CCDC30: variants seen among roughly 807,000 people sequenced by gnomAD.
The protein encoded by CCDC30 is coiled-coil domain-containing protein 30.
In CCDC30, 70 loss-of-function variants were observed where a neutral mutation model predicts 100.2. The ratio of observed to expected loss-of-function variants is 0.70; its 90% CI spans 0.58 to 0.85. The LOEUF is 0.85. Ranked by LOEUF, CCDC30 falls within the 40% of genes least tolerant of loss-of-function variation. The probability of loss-of-function intolerance (pLI) is 0.00; values close to 1 mark genes in which losing one functional copy is unlikely to be tolerated. For synonymous variants in CCDC30, 233 were observed against 269.5 expected, an observed-to-expected ratio of 0.86 and a Z score of 1.33; for missense variants, 652 against 771.2, an observed-to-expected ratio of 0.85 and a Z score of 1.83.
intron 1 of CCDC30, 43 bp downstream of exon 1, chr1:42,463,941 C>G (rs1375439669): frequency 6.6e-6 from 1 of 152,196 alleles, no homozygotes; most frequent in African/African-American, 2.4e-5. Flanking sequence ...TTTTCCACTT[C>G]TCTCATCACT....
At chr1:42,560,607 G>A (rs1645467450) in intron 6 of CCDC30, among the ~76,000 whole-genome samples, 2 of 152,072 alleles carry the variant, frequency 1.3e-5, no homozygotes, top group South Asian at 4.1e-4. Flanking sequence ...CTGACCTCAT[G>A]ATCCTCCCAC....
exon 16 of CCDC30, chr1:42,653,432 A>G (rs1648523625): frequency 6.3e-7 from 1 of 1,598,568 alleles, no homozygotes; most frequent in Non-Finnish European, 8.6e-7. Flanking sequence ...TATTGCCTTT[A>G]TCAAACTCCA....
rs1644801854 is a variant in CCDC30 at position 42,531,279 on chromosome 1, C to CG, written c.456+32363_456+32364insG. On this transcript the variant is annotated intron_variant, in intron 6 of 16. Coordinates refer to ENST00000668663, the Ensembl canonical transcript of CCDC30. ...ATGATTGTAAGCTTCCTGAGGCCTC[C>CG]CCAGCCATGCTTCCTGTAGAGCCTG... 2.6e-5 allele frequency among the ~76,000 whole-genome samples: 4 copies of CG among 152,242 alleles called. No homozygotes were observed. In the South Asian group the frequency reaches 8.3e-4, roughly 32 times the overall value.
At chr1:42,583,941 A>G (rs1202746528) in intron 9 of CCDC30, among the ~76,000 whole-genome samples, 1 of 152,198 alleles carries the variant, frequency 6.6e-6, no homozygotes, top group Non-Finnish European at 1.5e-5. Flanking sequence ...TCCTACAGGA[A>G]AAACTGGCAC....
intron 1 of CCDC30, among the ~76,000 whole-genome samples, chr1:42,466,990 T>C (rs1338714135): frequency 6.6e-6 from 1 of 152,214 alleles, no homozygotes; most frequent in Non-Finnish European, 1.5e-5. Flanking sequence ...TCTCAATAAA[T>C]CCACTGGGAA....
intron 11 of CCDC30, among the ~76,000 whole-genome samples, chr1:42,619,195 A>C (rs913106464): frequency 2.6e-5 from 4 of 152,218 alleles, no homozygotes; most frequent in Non-Finnish European, 5.9e-5. Flanking sequence ...CAGGAAGCCA[A>C]ACTGTTCAGT....
Position 42,650,497 on chromosome 1 carries a change from ATGTGTGTGTGTG to A in CCDC30, c.1855-2847_1855-2836del, listed in dbSNP as rs57051349. On this transcript the variant is annotated intron_variant, in intron 15 of 16. Coordinates refer to ENST00000668663, the Ensembl canonical transcript of CCDC30. The stretch of plus-strand genomic sequence containing the variant: ...CAAGACCCTGTCTAAAAAAATATAT[ATGTGTGTGTGTG>A]TGTGTGTGTGTGTGTGTGTGTGTGT... Among the ~76,000 whole-genome samples, 870 of 136,290 alleles carry A rather than the reference ATGTGTGTGTGTG, an allele frequency of 6.4e-3. 6 individuals are homozygous for A. The highest frequency in any genetic ancestry group is 0.022 in the African/African-American group (799 of 35,558). 89.4% of individuals were successfully genotyped at this position (136,290 alleles called of 152,430 possible). A position where few individuals can be genotyped will look rare whatever the true frequency, so the allele number is the denominator to read the frequency against.
At chr1:42,575,444 T>C (rs1218384846) in intron 7 of CCDC30, among the ~76,000 whole-genome samples, 2 of 151,778 alleles carry the variant, frequency 1.3e-5, no homozygotes, top group Non-Finnish European at 1.5e-5. Flanking sequence ...GGTTAGGAGA[T>C]CGAGACCATT....
intron 5 of CCDC30, among the ~76,000 whole-genome samples, chr1:42,497,955 C>A (rs143548660): frequency 6.6e-6 from 1 of 152,310 alleles, no homozygotes; most frequent in African/African-American, 2.4e-5. Flanking sequence ...AACAGAGACT[C>A]ATACATAGAT....
chr1:42,462,981 T>C (rs537836107), upstream of CCDC30, among the ~76,000 whole-genome samples: 83 of 152,324 alleles, frequency 5.4e-4, no homozygotes, highest in African/African-American at 1.9e-3. Flanking sequence ...CCAAGGTTAG[T>C]AGGCAGGGGC....
chr1:42,626,482 G>A (rs1057209094), intron 11 of CCDC30, among the ~76,000 whole-genome samples: 5 of 151,942 alleles, frequency 3.3e-5, no homozygotes, highest in African/African-American at 1.2e-4. Flanking sequence ...GATTTTCTCT[G>A]TGATATGATT....
rs371099427 is a variant in CCDC30 at position 42,535,482 on chromosome 1, A to AAT, written c.457-30810_457-30809dup. Among the ~76,000 whole-genome samples, 898 of 150,836 alleles carry AAT rather than the reference A, an allele frequency of 6.0e-3. 6 individuals are homozygous for AAT. Among genetic ancestry groups the AAT allele is most frequent in the African/African-American group, 0.02 (837 of 40,974 alleles). On this transcript the variant is annotated intron_variant, in intron 6 of 16. Transcript: ENST00000668663. ...CCACTCTGCATTTCCCAAGTTACAA[A>AAT]ATATAGATGTGCCAATTTCAGCTGC... is the stretch of plus-strand genomic sequence containing the variant.
chr1:42,494,257 G>T (rs1488072769), intron 4 of CCDC30, among the ~76,000 whole-genome samples: 1 of 152,158 alleles, frequency 6.6e-6, no homozygotes, highest in Non-Finnish European at 1.5e-5. Context: ...AATGGGGAAA[G>T]GATTCCCTAT....
At chr1:42,474,886 G>T (rs1027519144) in intron 1 of CCDC30, among the ~76,000 whole-genome samples, 1 of 152,118 alleles carries the variant, frequency 6.6e-6, no homozygotes, top group African/African-American at 2.4e-5. Flanking sequence ...TTGTGAAGCC[G>T]TTATATTAAC....
chr1:42,557,420 T>G (rs1169672191), intron 6 of CCDC30, among the ~76,000 whole-genome samples: 1 of 152,010 alleles, frequency 6.6e-6, no homozygotes, highest in Non-Finnish European at 1.5e-5. Context: ...TGGACATTGG[T>G]CAGTGGACAT....
rs186268139 is a variant in CCDC30 at position 42,502,079 on chromosome 1, C to T, written c.456+3163C>T. 2.3e-3 allele frequency among the ~76,000 whole-genome samples: 345 copies of T among 152,282 alleles called. 2 individuals are homozygous for T. Among genetic ancestry groups the T allele is most frequent in the African/African-American group, 8.0e-3 (332 of 41,554 alleles). On this transcript the variant is annotated intron_variant, in intron 6 of 16. Transcript: ENST00000668663. ...GGTGGAGTCTACAGAGGCAGGCAGG[C>T]CTCCTTGAGCTGCGGTGGGCTTCAC... is the stretch of plus-strand genomic sequence containing the variant.
intron 11 of CCDC30, among the ~76,000 whole-genome samples, chr1:42,625,701 C>T (rs1266937037): frequency 6.6e-6 from 1 of 151,796 alleles, no homozygotes; most frequent in East Asian, 1.9e-4. Context: ...TAGTTTTATT[C>T]CAATATGGTC....
intron 4 of CCDC30, among the ~76,000 whole-genome samples, chr1:42,492,787 C>T (rs533804095): frequency 6.6e-6 from 1 of 152,110 alleles, no homozygotes; most frequent in East Asian, 1.9e-4. Context: ...GCTGGAATTA[C>T]AGGAAACTGC....
chr1:42,616,943 A>G (rs1293161803), intron 11 of CCDC30, among the ~76,000 whole-genome samples: 1 of 152,230 alleles, frequency 6.6e-6, no homozygotes, highest in Non-Finnish European at 1.5e-5. Flanking sequence ...GCTGTAAAGG[A>G]TGATGGCTGT....
Sources: allele counts gnomAD v4.1 joint callset (sites outside exome capture counted in the v4.1 genomes callset), GRCh38; gene constraint gnomAD v4.1.1; transcripts MANE v1.5; gene names NCBI Gene and HGNC (gene_info 2026-07-23, HGNC 2026-07-21).